Variants in ALPL observed in about 807,000 individuals in gnomAD.
ALPL encodes the protein alkaline phosphatase, tissue-nonspecific isozyme.
ALPL carries 42 observed loss-of-function variants against 51.3 expected under a neutral mutation model. The observed-to-expected ratio is 0.82, with a 90% CI of 0.64 to 1.06. The LOEUF is 1.06. Ranked by LOEUF, ALPL falls within the 50% of genes least tolerant of loss-of-function variation. The pLI, the probability that ALPL is intolerant of heterozygous loss-of-function variation, is 0.00. For synonymous variants in ALPL, 279 were observed against 296.4 expected (o/e 0.94, Z 0.60); for missense variants, 589 against 709.4 (o/e 0.83, Z 1.93).
intron 4 of ALPL, 98 bp downstream of exon 4, chr1:21,561,310 G>A (rs1570270076): frequency 9.2e-7 from 1 of 1,088,986 alleles, no homozygotes; most frequent in Non-Finnish European, 1.4e-6. Flanking sequence ...GACCCCCTGA[G>A]CCCCCTCCAT....
intron 1 of ALPL, among the ~76,000 whole-genome samples, chr1:21,527,845 G>A (rs909475374): frequency 2.0e-5 from 3 of 151,978 alleles, no homozygotes; most frequent in East Asian, 1.9e-4. Flanking sequence ...CACCACGCCC[G>A]GCCAGCCTTT....
chr1:21,554,855 TTCTTTCTTTCTTTCTTTC>T (rs1558544054), intron 2 of ALPL, among the ~76,000 whole-genome samples: 65 of 131,398 alleles, frequency 4.9e-4, no homozygotes, highest in East Asian at 4.1e-3. Flanking sequence ...CTTTCTTTCT[TTCTTTCTTTCTTTCTTTC>T]TCTCTTTCTT....
chr1:21,563,069 G>A (rs371199423), intron 4 of ALPL, 41 bp from the exon 5 acceptor site: 50 of 1,611,552 alleles, frequency 3.1e-5, no homozygotes, highest in African/African-American at 4.0e-5. Context: ...CCACTGGGGC[G>A]AAGGCCTGGC....
chr1:21,531,893 C>T (rs985706581), intron 1 of ALPL, among the ~76,000 whole-genome samples: 1 of 152,014 alleles, frequency 6.6e-6, no homozygotes, highest in Non-Finnish European at 1.5e-5. Flanking sequence ...TGCAGCAACC[C>T]CTCCCCGCCA....
intron 6 of ALPL, among the ~76,000 whole-genome samples, chr1:21,567,672 G>A (rs1248044188): frequency 6.6e-6 from 1 of 152,202 alleles, no homozygotes; most frequent in African/African-American, 2.4e-5. Context: ...GTGGCCTTCG[G>A]GGGAAAAAAC....
intron 1 of ALPL, among the ~76,000 whole-genome samples, chr1:21,524,427 G>T (rs964294438): frequency 6.6e-6 from 1 of 152,082 alleles, no homozygotes; most frequent in African/African-American, 2.4e-5. Context: ...CAAGGCTGCA[G>T]TGAGATATCA....
In ALPL at chr1:21,577,364, T is replaced by C; in HGVS notation, c.1310-19T>C. 1.2e-6 allele frequency: 2 copies of C among 1,613,106 alleles called. No homozygotes were observed. The highest frequency in any genetic ancestry group is 1.7e-6 in the Non-Finnish European group (2 of 1,179,930). On this transcript the variant is annotated intron_variant, in intron 11 of 11. Coordinates refer to ENST00000374840, the MANE Select transcript of ALPL (RefSeq NM_000478.6). ...AGGCCCCTGGCAGGCTCTCAGCAGG[T>C]GTTTCCCCTGGCCCACAGCTCACAA... is the stretch of plus-strand genomic sequence containing the variant.
chr1:21,576,218 T>TGATG (rs371658562), intron 10 of ALPL, among the ~76,000 whole-genome samples: 4,053 of 142,190 alleles, frequency 0.029, 97 homozygotes, highest in African/African-American at 0.041. Context: ...GATGGATGGA[T>TGATG]GATGGATGGA....
intron 1 of ALPL, among the ~76,000 whole-genome samples, chr1:21,515,834 TG>T (rs1224211636): frequency 8.8e-6 from 1 of 113,920 alleles, no homozygotes; most frequent in East Asian, 3.2e-4. Flanking sequence ...TCAGGCTTGT[TG>T]TTTTTTTGTT....
Position 21,577,511 on chromosome 1 carries a change from G to A in ALPL, c.1438G>A (p.Val480Ile), listed in dbSNP as rs1315797141. The A allele has an allele frequency of 4.4e-6, 7 of 1,608,156 alleles. No individual in the cohort carries two copies. Among genetic ancestry groups the A allele is most frequent in the Middle Eastern group, 1.6e-4 (1 of 6,082 alleles). The change falls in exon 12 of 12, where the codon GTC becomes ATC. Residue 480 changes from valine (V) to isoleucine (I), a missense_variant. Val to Ile is a conservative substitution (Grantham distance 29). Coordinates refer to ENST00000374840, the MANE Select transcript of ALPL (RefSeq NM_000478.6). ...LLHGVHEQNYVPHVMAYAACI... is the reference protein window; with the variant it reads ...LLHGVHEQNYIPHVMAYAACI... ...GCACGGCGTCCACGAGCAGAACTAC[G>A]TCCCCCACGTGATGGCGTATGCAGC...
intron 4 of ALPL, among the ~76,000 whole-genome samples, chr1:21,562,652 C>T (rs1053932202): frequency 1.3e-5 from 2 of 152,026 alleles, no homozygotes; most frequent in South Asian, 2.1e-4. Flanking sequence ...GAGAAGTCAG[C>T]GCTGGTCTTG....
intron 1 of ALPL, among the ~76,000 whole-genome samples, chr1:21,517,208 G>A (rs992975931): frequency 7.9e-5 from 12 of 152,236 alleles, no homozygotes; most frequent in African/African-American, 2.9e-4. Context: ...GTTGGGGACA[G>A]TCTGTAATGA....
chr1:21,554,282 C>T (rs1359448409), intron 2 of ALPL, 140 bp downstream of exon 2: 1 of 800,462 alleles, frequency 1.2e-6, no homozygotes, highest in African/African-American at 1.7e-5. Context: ...GAAACCTCAG[C>T]CCTGCTACTT....
intron 1 of ALPL, among the ~76,000 whole-genome samples, chr1:21,535,432 C>T (rs987356620): frequency 2.0e-5 from 3 of 152,028 alleles, no homozygotes; most frequent in Non-Finnish European, 2.9e-5. Context: ...GGCAACATAG[C>T]GAGACCTTGT....
At chr1:21,528,355 T>G (rs1643979861) in intron 1 of ALPL, among the ~76,000 whole-genome samples, 1 of 147,640 alleles carries the variant, frequency 6.8e-6, no homozygotes, top group South Asian at 2.2e-4. Flanking sequence ...TTTTTTTTTT[T>G]TTTTTTTTTT....
At chr1:21,565,449 G>A (rs1225119559) in intron 6 of ALPL, among the ~76,000 whole-genome samples, 1 of 152,184 alleles carries the variant, frequency 6.6e-6, no homozygotes, top group Non-Finnish European at 1.5e-5. Context: ...GTGGGAGGCC[G>A]TGATGAGGTC....
At position 21,564,435 on chromosome 1, in the gene ALPL, C is replaced by T. The variant is rs997609907; in HGVS notation, c.648+219C>T. Reference sequence around the variant, plus strand: ...GGGTGAACCCTCATGTGACCGCCACCACACCCCAAGAACCAGGCATCCAGG... The same window carrying T: ...GGGTGAACCCTCATGTGACCGCCACTACACCCCAAGAACCAGGCATCCAGG... On this transcript the variant is annotated intron_variant, in intron 6 of 11. Coordinates refer to ENST00000374840, the MANE Select transcript of ALPL (RefSeq NM_000478.6). The surrounding 1 kb of genome is among the most constrained non-coding windows in gnomAD (Gnocchi z 5.8). Among the ~76,000 whole-genome samples, 6 of 152,184 alleles carry T rather than the reference C, an allele frequency of 3.9e-5. No homozygotes were observed. The highest frequency in any genetic ancestry group is 7.3e-5 in the Non-Finnish European group (5 of 68,028).
chr1:21,524,337 C>T (rs1643915097), intron 1 of ALPL, among the ~76,000 whole-genome samples: 1 of 151,988 alleles, frequency 6.6e-6, no homozygotes, highest in African/African-American at 2.4e-5. Flanking sequence ...AATGGAAGCA[C>T]AGGCTGGGAG....
intron 1 of ALPL, among the ~76,000 whole-genome samples, chr1:21,547,549 C>G (rs1256344): frequency 0.12 from 17,592 of 152,254 alleles, 1,162 homozygotes; most frequent in Non-Finnish European, 0.15. Flanking sequence ...GGCCTGACTC[C>G]CCCTGCATCC....
Sources: allele counts gnomAD v4.1 joint callset (sites outside exome capture counted in the v4.1 genomes callset), GRCh38; gene constraint gnomAD v4.1.1; non-coding constraint Gnocchi (gnomAD v3.1); transcripts MANE v1.5; gene names NCBI Gene and HGNC (gene_info 2026-07-23, HGNC 2026-07-21).